Variants in TIGD1 observed in about 807,000 individuals in gnomAD.
The protein encoded by TIGD1 is tigger transposable element-derived protein 1.
In TIGD1, 20 loss-of-function variants were observed where a neutral mutation model predicts 21.3. The ratio of observed to expected loss-of-function variants is 0.94; its 90% confidence interval spans 0.66 to 1.36. The LOEUF (loss-of-function observed/expected upper bound fraction) is 1.36, where lower values mean the gene tolerates loss of function less well. Ranked by LOEUF, TIGD1 falls within the 40% of genes most tolerant of loss-of-function variation. The pLI, the probability that TIGD1 is intolerant of heterozygous loss-of-function variation, is 0.00. For synonymous variants in TIGD1, 177 were observed against 123.2 expected, an observed-to-expected ratio of 1.44 and a Z score of -2.89; for missense variants, 556 against 350.5, an observed-to-expected ratio of 1.59 and a Z score of -4.68.
Position 232,544,440 on chromosome 2 carries a change from C to T in TIGD1, c.*3667G>A, listed in dbSNP as rs1156631907. On this transcript the variant is annotated 3_prime_UTR_variant, in exon 1 of 1. Transcript: ENST00000408957. ...CTGGCCCCGGCAGCTGTGCAGGACA[C>T]CCAGTCCCGGCTACAGAATGGCTCC... The T allele has an allele frequency of 1.2e-6, 2 of 1,613,688 alleles. No homozygotes were observed. Among genetic ancestry groups the T allele is most frequent in the Non-Finnish European group, 1.7e-6 (2 of 1,180,000 alleles).
chr2:232,547,453 A>G lies in TIGD1; in HGVS notation c.*654T>C, dbSNP rs1349802197. ...AAAAATTACAAAACTGAAAAAAGAAAAGTGAAAGTGCCACATAAAGGCCTG... is the reference window on the plus strand; with the variant it reads ...AAAAATTACAAAACTGAAAAAAGAAGAGTGAAAGTGCCACATAAAGGCCTG... On this transcript the variant is annotated 3_prime_UTR_variant, in exon 1 of 1. Transcript: ENST00000408957. Among the ~76,000 whole-genome samples, 1 of 152,158 alleles carries G rather than the reference A, an allele frequency of 6.6e-6. No homozygotes were observed. Among genetic ancestry groups the G allele is most frequent in the Non-Finnish European group, 1.5e-5 (1 of 68,020 alleles).
At position 232,546,037 on chromosome 2, in the gene TIGD1, G is replaced by A. The variant is rs1025460346; in HGVS notation, c.*2070C>T. ...CATTATTCATTCCCATCAGTCTGAA[G>A]CCCGAAGGACTGTTTTGTATAATAC... is the stretch of plus-strand genomic sequence containing the variant. On this transcript the variant is annotated 3_prime_UTR_variant, in exon 1 of 1. Coordinates refer to ENST00000408957, the MANE Select transcript of TIGD1 (RefSeq NM_145702.4). 1 of 457,254 alleles carries A rather than the reference G, an allele frequency of 2.2e-6. No individual in the cohort carries two copies. Among genetic ancestry groups the A allele is most frequent in the African/African-American group, 2.0e-5 (1 of 50,320 alleles). 28.3% of individuals were successfully genotyped at this position (457,254 alleles called of 1,614,324 possible).
rs1692176019 is a variant in TIGD1, at chr2:232,548,479, C to T, written c.1404G>A (p.Lys468=). The T allele has an allele frequency of 1.5e-6, 1 of 672,870 alleles. No homozygotes were observed. Among genetic ancestry groups the T allele is most frequent in the Non-Finnish European group, 2.7e-6 (1 of 376,774 alleles). 41.7% of individuals were successfully genotyped at this position (672,870 alleles called of 1,614,324 possible). Reference sequence around the variant, plus strand: ...GTGTAGATTCCATCTCAAGAAACCACTTTCTTTGCGCATCCATAAGAAACA... The same window carrying T: ...GTGTAGATTCCATCTCAAGAAACCATTTTCTTTGCGCATCCATAAGAAACA... ...EELFLMDAQR[K]WFLEMESTPG... Residue 468 remains lysine, a synonymous_variant, in exon 1 of 1, where the codon AAG becomes AAA. Transcript: ENST00000408957.
In TIGD1 at chr2:232,548,420, GTCATT is replaced by G. The variant is rs946677428; in HGVS notation, c.1458_1462del (p.Glu486AspfsTer13). On this transcript the variant is annotated frameshift_variant, in exon 1 of 1. Coordinates refer to ENST00000408957, the MANE Select transcript of TIGD1 (RefSeq NM_145702.4). LOFTEE classifies it high-confidence loss of function. ...TATGTAATATTCTAAATCCTTTGTT[GTCATT>G]TCAACAATGTTCACAGCATCTTCAC... 1.3e-6 allele frequency: 1 copy of G among 768,034 alleles called. No homozygotes were observed. Among genetic ancestry groups the G allele is most frequent in the African/African-American group, 1.7e-5 (1 of 58,588 alleles). The allele number at this position is 768,034 out of a possible 1,614,324, so 47.6% of individuals were successfully genotyped here.
rs1251498624 is a variant in TIGD1, at chr2:232,548,480, T to G, written c.1403A>C (p.Lys468Thr). Residue 468 changes from lysine (K) to threonine (T), a missense_variant, in exon 1 of 1, where the codon AAG becomes ACG. Physicochemically the swap from Lys to Thr is moderately conservative, Grantham distance 78. Transcript: ENST00000408957. ...TGTAGATTCCATCTCAAGAAACCAC[T>G]TTCTTTGCGCATCCATAAGAAACAA... ...EELFLMDAQR[K>T]WFLEMESTPG... 1.0e-5 allele frequency: 7 copies of G among 667,526 alleles called. No homozygotes were observed. Among genetic ancestry groups the G allele is most frequent in the Non-Finnish European group, 1.9e-5 (7 of 373,716 alleles). 41.4% of individuals were successfully genotyped at this position (667,526 alleles called of 1,614,324 possible). A position where few individuals can be genotyped will look rare whatever the true frequency, so the allele number is the denominator to read the frequency against.
At position 232,548,207 on chromosome 2, in the gene TIGD1, T is replaced by G; in HGVS notation, c.1676A>C (p.Gln559Pro). The G allele has an allele frequency of 1.3e-6, 2 of 1,539,798 alleles. No individual in the cohort carries two copies. Among genetic ancestry groups the G allele is most frequent in the Non-Finnish European group, 1.7e-6 (2 of 1,145,842 alleles). Residue 559 changes from glutamine (Q) to proline (P), a missense_variant, in exon 1 of 1, where the codon CAA becomes CCA. Physicochemically the swap from Gln to Pro is moderately conservative, Grantham distance 76 (BLOSUM62 -1). Coordinates refer to ENST00000408957, the MANE Select transcript of TIGD1 (RefSeq NM_145702.4). The stretch of plus-strand genomic sequence containing the variant: ...GGTCAGGGTGGTGGCTGCTGAAGGT[T>G]GGGGTGGCTGTGGCAATTTCCTAAA... ...SYFRKLPQPP[Q>P]PSAATTLTSQ...
rs1459719583 is a variant in TIGD1, at chr2:232,544,316, T to G, written c.*3791A>C. ...CAAGCCCTTCACGCCAACCTCTGGCTTCTGCTCTGAAGCTCGGCCTGCTGC... is the reference window on the plus strand; with the variant it reads ...CAAGCCCTTCACGCCAACCTCTGGCGTCTGCTCTGAAGCTCGGCCTGCTGC... On this transcript the variant is annotated 3_prime_UTR_variant, in exon 1 of 1. Coordinates refer to ENST00000408957, the MANE Select transcript of TIGD1 (RefSeq NM_145702.4). 7.1e-7 allele frequency: 1 copy of G among 1,417,196 alleles called. No individual in the cohort carries two copies. The highest frequency in any genetic ancestry group is 1.7e-5 in the Admixed American group (1 of 59,808). 87.8% of individuals were successfully genotyped at this position (1,417,196 alleles called of 1,614,324 possible).
chr2:232,547,554 T>C lies in TIGD1; in HGVS notation c.*553A>G, dbSNP rs531316394. 1.3e-5 allele frequency among the ~76,000 whole-genome samples: 2 copies of C among 152,332 alleles called. No homozygotes were observed. The highest frequency in any genetic ancestry group is 3.9e-4 in the East Asian group (2 of 5,190). The stretch of plus-strand genomic sequence containing the variant: ...AAGCACAGGATTGCTGTCTTTGGGA[T>C]TCAATCACCAGCAAGTTCGTATTAT... On this transcript the variant is annotated 3_prime_UTR_variant, in exon 1 of 1. Transcript: ENST00000408957.
rs1351497106 is a variant in TIGD1 at position 232,547,534 on chromosome 2, C to T, written c.*573G>A. Among the ~76,000 whole-genome samples the T allele has an allele frequency of 6.6e-6, 1 of 152,230 alleles. No individual in the cohort carries two copies. The highest frequency in any genetic ancestry group is 2.4e-5 in the African/African-American group (1 of 41,454). On this transcript the variant is annotated 3_prime_UTR_variant, in exon 1 of 1. Coordinates refer to ENST00000408957, the MANE Select transcript of TIGD1 (RefSeq NM_145702.4). The stretch of plus-strand genomic sequence containing the variant: ...TGGAAATATGCCCTCCCTCCAAGCA[C>T]AGGATTGCTGTCTTTGGGATTCAAT...
rs918638502 is a variant in TIGD1, at chr2:232,545,457, C to T, written c.*2650G>A. On this transcript the variant is annotated 3_prime_UTR_variant, in exon 1 of 1. Transcript: ENST00000408957. Reference sequence around the variant, plus strand: ...GGGCCCCAGGAAATGGAGACATGGGCCTGCTGGAAGCCCAAGGATGAGAAC... The same window carrying T: ...GGGCCCCAGGAAATGGAGACATGGGTCTGCTGGAAGCCCAAGGATGAGAAC... 2 of 1,215,134 alleles carry T rather than the reference C, an allele frequency of 1.6e-6. No homozygotes were observed. The highest frequency in any genetic ancestry group is 2.4e-6 in the Non-Finnish European group (2 of 849,180). 75.3% of individuals were successfully genotyped at this position (1,215,134 alleles called of 1,614,324 possible). A position where few individuals can be genotyped will look rare whatever the true frequency, so the allele number is the denominator to read the frequency against.
At position 232,548,068 on chromosome 2, in the gene TIGD1, T is replaced by C. The variant is rs1692161877; in HGVS notation, c.*39A>G. On this transcript the variant is annotated 3_prime_UTR_variant, in exon 1 of 1. Coordinates refer to ENST00000408957, the MANE Select transcript of TIGD1 (RefSeq NM_145702.4). Reference sequence around the variant, plus strand: ...TGTCTAATAAAACAATATACATACCTAAATTTAAAAATACTTTATTGCTAA... The same window carrying C: ...TGTCTAATAAAACAATATACATACCCAAATTTAAAAATACTTTATTGCTAA... 1 of 597,706 alleles carries C rather than the reference T, an allele frequency of 1.7e-6. No homozygotes were observed. Among genetic ancestry groups the C allele is most frequent in the Non-Finnish European group, 2.9e-6 (1 of 345,820 alleles). 37.0% of individuals were successfully genotyped at this position (597,706 alleles called of 1,614,324 possible).
Position 232,544,819 on chromosome 2 carries a change from C to G in TIGD1, c.*3288G>C. The G allele has an allele frequency of 1.9e-6, 3 of 1,613,630 alleles. No homozygotes were observed. Among genetic ancestry groups the G allele is most frequent in the Non-Finnish European group, 2.5e-6 (3 of 1,179,936 alleles). The stretch of plus-strand genomic sequence containing the variant: ...GAGCCAGTTCTGTGGCAGCCTGAAG[C>G]AGGCTGCCCCAGCCATCCAGGCCTG... On this transcript the variant is annotated 3_prime_UTR_variant, in exon 1 of 1. Transcript: ENST00000408957.
rs1692160824 is a variant in TIGD1, at chr2:232,547,987, T to C, written c.*120A>G. On this transcript the variant is annotated 3_prime_UTR_variant, in exon 1 of 1. Transcript: ENST00000408957. ...CACATGAATGTTTTTGGTTTCCCAATGCATATAAAAGTTATGTTTACACTA... is the reference window on the plus strand; with the variant it reads ...CACATGAATGTTTTTGGTTTCCCAACGCATATAAAAGTTATGTTTACACTA... 2 of 445,438 alleles carry C rather than the reference T, an allele frequency of 4.5e-6. No individual in the cohort carries two copies. The highest frequency in any genetic ancestry group is 1.2e-4 in the South Asian group (2 of 17,360). 27.6% of individuals were successfully genotyped at this position (445,438 alleles called of 1,614,324 possible).
chr2:232,550,315 A>C lies in TIGD1; in HGVS notation c.-433T>G. Reference sequence around the variant, plus strand: ...CAGTGGCGCCGCGACCGACAAAGGAAAGCCTCCGGGAGGTCAAAAGAGATA... The same window carrying C: ...CAGTGGCGCCGCGACCGACAAAGGACAGCCTCCGGGAGGTCAAAAGAGATA... On this transcript the variant is annotated 5_prime_UTR_variant, in exon 1 of 1. Transcript: ENST00000408957. 3.0e-6 allele frequency: 1 copy of C among 329,810 alleles called. No homozygotes were observed. Among genetic ancestry groups the C allele is most frequent in the Non-Finnish European group, 5.9e-6 (1 of 170,630 alleles). 20.4% of individuals were successfully genotyped at this position (329,810 alleles called of 1,614,324 possible).
In TIGD1 at chr2:232,548,018, T is replaced by G; in HGVS notation, c.*89A>C. ...TAAAAGTTATGTTTACACTATACTG[T>G]AGACCAGCAAGAGTGCAATAGCATT... On this transcript the variant is annotated 3_prime_UTR_variant, in exon 1 of 1. Coordinates refer to ENST00000408957, the MANE Select transcript of TIGD1 (RefSeq NM_145702.4). The G allele has an allele frequency of 9.3e-6, 5 of 539,344 alleles. No individual in the cohort carries two copies. The South Asian group carries it at 1.4e-4, about 15-fold the overall frequency. 33.4% of individuals were successfully genotyped at this position (539,344 alleles called of 1,614,324 possible).
rs1692147937 is a variant in TIGD1, at chr2:232,547,200, A to T, written c.*907T>A. 6.6e-6 allele frequency among the ~76,000 whole-genome samples: 1 copy of T among 152,144 alleles called. No homozygotes were observed. Among genetic ancestry groups the T allele is most frequent in the African/African-American group, 2.4e-5 (1 of 41,430 alleles). On this transcript the variant is annotated 3_prime_UTR_variant, in exon 1 of 1. Transcript: ENST00000408957. ...GGTGGGTGGACTGCTTGAGCTCAGG[A>T]GCCCACGAACCCAGGAACCCAGCCT...
Position 232,545,828 on chromosome 2 carries a change from C to CCCAA in TIGD1, c.*2278_*2279insTTGG. The CCCAA allele has an allele frequency of 1.6e-6, 2 of 1,251,532 alleles. No homozygotes were observed. Among genetic ancestry groups the CCCAA allele is most frequent in the South Asian group, 2.4e-5 (2 of 82,442 alleles). 77.5% of individuals were successfully genotyped at this position (1,251,532 alleles called of 1,614,324 possible). A position where few individuals can be genotyped will look rare whatever the true frequency, so the allele number is the denominator to read the frequency against. Reference sequence around the variant, plus strand: ...AGTGTGCTCTTTGGGAAGTGCCCTTCAGGACTGTGTGAGCCAAACAGCCCT... The same window carrying CCCAA: ...AGTGTGCTCTTTGGGAAGTGCCCTTCCCAAAGGACTGTGTGAGCCAAACAGCCCT... On this transcript the variant is annotated 3_prime_UTR_variant, in exon 1 of 1. Transcript: ENST00000408957.
chr2:232,546,997 C>G lies in TIGD1; in HGVS notation c.*1110G>C, dbSNP rs1404865476. 6.6e-6 allele frequency among the ~76,000 whole-genome samples: 1 copy of G among 152,106 alleles called. No homozygotes were observed. The highest frequency in any genetic ancestry group is 1.5e-5 in the Non-Finnish European group (1 of 68,022). ...GGTCTTCCTGGGGGAGAGGCAAGGT[C>G]CTGCTCTGAGATTACAGCCGGCACA... On this transcript the variant is annotated 3_prime_UTR_variant, in exon 1 of 1. Transcript: ENST00000408957.
chr2:232,550,493 A>C lies in TIGD1; in HGVS notation c.-611T>G. On this transcript the variant is annotated 5_prime_UTR_variant, in exon 1 of 1. Transcript: ENST00000408957. ...TCCCTTAGGAGAGCGGGCGGGTCAC[A>C]AGGACCTGGACAGAGGCAGAACTGA... The C allele has an allele frequency of 1.8e-6, 1 of 559,116 alleles. No homozygotes were observed. The highest frequency in any genetic ancestry group is 3.2e-6 in the Non-Finnish European group (1 of 314,722). 34.6% of individuals were successfully genotyped at this position (559,116 alleles called of 1,614,324 possible).
Sources: gnomAD v4.1 joint callset for allele counts (sites outside exome capture counted in the v4.1 genomes callset) on GRCh38, gnomAD v4.1.1 for gene constraint, MANE v1.5 for transcripts, NCBI Gene and HGNC (gene_info 2026-07-23, HGNC 2026-07-21) for gene names.